ZNF605: variants seen among roughly 807,000 people sequenced by gnomAD.
ZNF605 encodes the protein zinc finger protein 605.
Under a neutral mutation model 7.9 loss-of-function variants are expected in ZNF605, and 9 were observed. The observed-to-expected ratio is 1.14, with a 90% CI of 0.68 to 1.98. The LOEUF is 1.98. Among genes scored for constraint, ZNF605 ranks in the 30% most tolerant of loss-of-function variants. The pLI is 0.00. For missense variants in ZNF605, 673 were observed against 762.4 expected, an observed-to-expected ratio of 0.88 and a Z score of 1.38; for synonymous variants, 255 against 260.1, an observed-to-expected ratio of 0.98 and a Z score of 0.19.
At chr12:132,938,568 T>C (rs1338934903) in intron 3 of ZNF605, among the ~76,000 whole-genome samples, 2 of 152,190 alleles carry the variant, frequency 1.3e-5, no homozygotes, top group African/African-American at 4.8e-5. Context: ...CCCGAAGTGC[T>C]GGTGAGAGGT....
chr12:132,938,746 T>C (rs1952394931), intron 3 of ZNF605, among the ~76,000 whole-genome samples: 1 of 151,514 alleles, frequency 6.6e-6, no homozygotes, highest in Non-Finnish European at 1.5e-5. Context: ...TGCAGGGAGG[T>C]GTGGAGGGAG....
rs1021812715 is a variant in ZNF605, at chr12:132,932,675, A to C, written c.136+360T>G. ...ACCTGTCATCAAAAACCTGAGATAA[A>C]ATGTTCACTGTATCTCATAAACCTG... On this transcript the variant is annotated intron_variant, in intron 4 of 4. Coordinates refer to ENST00000360187, the MANE Select transcript of ZNF605 (RefSeq NM_183238.4). The C allele has an allele frequency of 1.6e-5, 22 of 1,345,016 alleles. 1 individual carries two copies. Among genetic ancestry groups the C allele is most frequent in the Middle Eastern group, 3.6e-4 (2 of 5,512 alleles). The allele number at this position is 1,345,016 out of a possible 1,614,324, so 83.3% of individuals were successfully genotyped here. A position where few individuals can be genotyped will look rare whatever the true frequency, so the allele number is the denominator to read the frequency against.
intron 1 of ZNF605, among the ~76,000 whole-genome samples, chr12:132,954,659 C>T (rs977551482): frequency 6.6e-6 from 1 of 151,420 alleles, no homozygotes; most frequent in Non-Finnish European, 1.5e-5. Flanking sequence ...CCCGGGGCCC[C>T]CAAGCATTCG....
chr12:132,926,763 T>A lies in ZNF605; in HGVS notation c.536A>T (p.Asn179Ile), dbSNP rs1952251986. 7.4e-6 allele frequency: 12 copies of A among 1,613,940 alleles called. No individual in the cohort carries two copies. Among genetic ancestry groups the A allele is most frequent in the Non-Finnish European group, 1.0e-5 (12 of 1,179,806 alleles). ...YLCMECGRFF[N>I]KKSQLVIHQR... is the part of the protein sequence containing the mutation. Reference sequence around the variant, plus strand: ...GTGTATAACAAGTTGTGACTTCTTGTTAAAAAATCTGCCACATTCCATGCA... The same window carrying A: ...GTGTATAACAAGTTGTGACTTCTTGATAAAAAATCTGCCACATTCCATGCA... Residue 179 changes from asparagine (N) to isoleucine (I), a missense_variant, in exon 5 of 5, where the codon AAC (asparagine) becomes ATC (isoleucine). Transcript: ENST00000360187.
At chr12:132,951,142 T>C (rs1184749845) in intron 1 of ZNF605, among the ~76,000 whole-genome samples, 3 of 146,486 alleles carry the variant, frequency 2.0e-5, no homozygotes, top group Non-Finnish European at 3.0e-5. Context: ...ACATCACGCA[T>C]ACACACACAC....
intron 4 of ZNF605, 82 bp downstream of exon 4, chr12:132,932,953 T>G: frequency 6.7e-7 from 1 of 1,484,136 alleles, no homozygotes. Flanking sequence ...ATCTTTGACA[T>G]GTAAAACTTA....
chr12:132,927,092 G>A lies in ZNF605; in HGVS notation c.207C>T (p.Gly69=), dbSNP rs1431108966. The change falls in exon 5 of 5, where the codon GGC becomes GGT. Residue 69 remains glycine, a synonymous_variant. Coordinates refer to ENST00000360187, the MANE Select transcript of ZNF605 (RefSeq NM_183238.4). The part of the protein sequence containing the change: ...NQDNLKSMER[G]HKYDVFGKIF... Reference sequence around the variant, plus strand: ...TTTTTCCAAAAACATCATATTTATGGCCTCTCTCCATACTTTTAAGGTTGT... The same window carrying A: ...TTTTTCCAAAAACATCATATTTATGACCTCTCTCCATACTTTTAAGGTTGT... 1 of 1,598,040 alleles carries A rather than the reference G, an allele frequency of 6.3e-7. No homozygotes were observed. Among genetic ancestry groups the A allele is most frequent in the Non-Finnish European group, 8.5e-7 (1 of 1,179,220 alleles).
At chr12:132,948,340 C>T (rs937432311) in intron 1 of ZNF605, 70 bp from the exon 2 acceptor site, 6 of 152,236 alleles carry the variant, frequency 3.9e-5, no homozygotes, top group Admixed American at 2.0e-4. Flanking sequence ...TTCTACCTCA[C>T]GTAGCAATCC....
At chr12:132,931,156 C>T (rs1361019251) in intron 4 of ZNF605, among the ~76,000 whole-genome samples, 3 of 152,086 alleles carry the variant, frequency 2.0e-5, no homozygotes, top group Admixed American at 6.6e-5. Flanking sequence ...CTCCAACCTG[C>T]GTGACAAAGT....
At chr12:132,937,627 T>C (rs1346874590) in intron 3 of ZNF605, among the ~76,000 whole-genome samples, 1 of 152,150 alleles carries the variant, frequency 6.6e-6, no homozygotes, top group Non-Finnish European at 1.5e-5. Context: ...TTGAAAACAT[T>C]TTGGCAGTTT....
intron 3 of ZNF605, among the ~76,000 whole-genome samples, chr12:132,937,001 C>CAG (rs1163649462): frequency 2.0e-5 from 3 of 152,168 alleles, no homozygotes; most frequent in Admixed American, 1.3e-4. Flanking sequence ...ATAAAGAACT[C>CAG]TTACTAAGAA....
intron 3 of ZNF605, among the ~76,000 whole-genome samples, chr12:132,935,598 TA>T (rs113451632): frequency 1.4e-5 from 2 of 148,062 alleles, no homozygotes. Context: ...AATGCACACA[TA>T]AAAAAAAAAT....
chr12:132,955,778 C>G (rs1026501904), intron 1 of ZNF605, among the ~76,000 whole-genome samples: 2 of 152,060 alleles, frequency 1.3e-5, no homozygotes, highest in African/African-American at 2.4e-5. Flanking sequence ...GCATCCAAAT[C>G]ATTCATCAGC....
At position 132,933,259 on chromosome 12, in the gene ZNF605, G is replaced by T; in HGVS notation, c.16-104C>A. 7.7e-7 allele frequency: 1 copy of T among 1,298,766 alleles called. No individual in the cohort carries two copies. The allele number at this position is 1,298,766 out of a possible 1,614,324, so 80.5% of individuals were successfully genotyped here. Reference sequence around the variant, plus strand: ...AGGTGGCCTCTAAGATGGCCCCAGTGACCTCTGACTCCGGTATTCATGCTT... The same window carrying T: ...AGGTGGCCTCTAAGATGGCCCCAGTTACCTCTGACTCCGGTATTCATGCTT... On this transcript the variant is annotated intron_variant, in intron 3 of 4. Transcript: ENST00000360187. The surrounding 1 kb of genome is among the most constrained non-coding windows in gnomAD (Gnocchi z 4.4).
chr12:132,928,475 T>C (rs1224165965), intron 4 of ZNF605, among the ~76,000 whole-genome samples: 3 of 152,216 alleles, frequency 2.0e-5, no homozygotes, highest in Non-Finnish European at 2.9e-5. Context: ...GTAAAGTATA[T>C]ATTTTATGTA....
chr12:132,932,639 T>C (rs1952319668), intron 4 of ZNF605: 2 of 973,738 alleles, frequency 2.1e-6, no homozygotes, highest in South Asian at 3.3e-5. Flanking sequence ...AACAACACTT[T>C]AAAAGTGCCC....
At chr12:132,940,321 C>A (rs1952422894) in intron 3 of ZNF605, among the ~76,000 whole-genome samples, 1 of 152,178 alleles carries the variant, frequency 6.6e-6, no homozygotes, top group Non-Finnish European at 1.5e-5. Context: ...TGAACTTGGA[C>A]GTGTTTTAAA....
In ZNF605 at chr12:132,944,223, C is replaced by CT. The variant is rs112311221; in HGVS notation, c.15+1397dup. 2.0e-3 allele frequency among the ~76,000 whole-genome samples: 291 copies of CT among 147,180 alleles called. 2 individuals carry two copies. The highest frequency in any genetic ancestry group is 1.3e-3 in the African/African-American group (54 of 40,324). On this transcript the variant is annotated intron_variant, in intron 3 of 4. Coordinates refer to ENST00000360187, the MANE Select transcript of ZNF605 (RefSeq NM_183238.4). ...GGAGTAGCTATCCTTTATTCCTTTA[C>CT]TTTTTTTTTTTTGAGACGGCGTCTT...
chr12:132,951,057 A>G (rs1952558114), intron 1 of ZNF605, among the ~76,000 whole-genome samples: 1 of 147,956 alleles, frequency 6.8e-6, no homozygotes, highest in East Asian at 2.0e-4. Context: ...CAGATACATC[A>G]TACACAGACA....
Sources: allele counts gnomAD v4.1 joint callset (sites outside exome capture counted in the v4.1 genomes callset), GRCh38; gene constraint gnomAD v4.1.1; non-coding constraint Gnocchi (gnomAD v3.1); transcripts MANE v1.5; gene names NCBI Gene and HGNC (gene_info 2026-07-23, HGNC 2026-07-21).